PGBD5: variants seen among roughly 807,000 people sequenced by gnomAD.
The protein encoded by PGBD5 is piggyBac transposable element derived 5.
In PGBD5, 14 loss-of-function variants were observed where a neutral mutation model predicts 47.9. The ratio of observed to expected loss-of-function variants is 0.29; its 90% confidence interval spans 0.19 to 0.46. The LOEUF is 0.46. PGBD5 is among the 20% of genes least tolerant of loss of function. The pLI, the probability that PGBD5 is intolerant of heterozygous loss-of-function variation, is 1.00. For synonymous variants in PGBD5, 316 were observed against 306.3 expected (o/e 1.03, Z -0.33); for missense variants, 635 against 716.0 (o/e 0.89, Z 1.29).
intron 1 of PGBD5, among the ~76,000 whole-genome samples, chr1:230,405,219 GA>G (rs1657274014): frequency 2.0e-5 from 3 of 150,590 alleles, no homozygotes; most frequent in Admixed American, 2.0e-4. Flanking sequence ...GATATATGAA[GA>G]AAAAAATTGA....
At chr1:230,411,697 C>G (rs547440449) in intron 1 of PGBD5, among the ~76,000 whole-genome samples, 1 of 152,244 alleles carries the variant, frequency 6.6e-6, no homozygotes, top group South Asian at 2.1e-4. Context: ...TACAGAAACT[C>G]TGAACTAATA....
At chr1:230,350,840 G>C in intron 3 of PGBD5, 118 bp downstream of exon 3, 2 of 1,413,674 alleles carry the variant, frequency 1.4e-6, no homozygotes, top group Non-Finnish European at 9.5e-7. Context: ...GGTGGACTTG[G>C]ACCCACAGTG....
chr1:230,327,295 G>A (rs1435370142), intron 5 of PGBD5, among the ~76,000 whole-genome samples: 2 of 152,022 alleles, frequency 1.3e-5, no homozygotes, highest in Non-Finnish European at 2.9e-5. Context: ...AGTCAAACGG[G>A]CATGTCCTTT....
At position 230,332,729 on chromosome 1, in the gene PGBD5, T is replaced by C. The variant is rs1470623374; in HGVS notation, c.1273+115A>G. Reference sequence around the variant, plus strand: ...TGCTGGGGAATAACCGAGGGTAGTCTGACCCCAGAGCAGCACAGCCCACAG... The same window carrying C: ...TGCTGGGGAATAACCGAGGGTAGTCCGACCCCAGAGCAGCACAGCCCACAG... On this transcript the variant is annotated intron_variant, in intron 5 of 6. Coordinates refer to ENST00000391860, the MANE Select transcript of PGBD5 (RefSeq NM_001258311.2). 7 of 1,240,824 alleles carry C rather than the reference T, an allele frequency of 5.6e-6. No individual in the cohort carries two copies. In the East Asian group the frequency reaches 1.6e-4, roughly 29 times the overall value. 76.9% of individuals were successfully genotyped at this position (1,240,824 alleles called of 1,614,324 possible).
At chr1:230,406,311 C>CAAA (rs67577027) in intron 1 of PGBD5, among the ~76,000 whole-genome samples, 57 of 54,458 alleles carry the variant, frequency 1.0e-3, no homozygotes, top group Admixed American at 2.2e-3. Flanking sequence ...GACTCCGTCT[C>CAAA]AAAAAAAAAA....
At chr1:230,372,669 C>T (rs987459734) in intron 1 of PGBD5, among the ~76,000 whole-genome samples, 1 of 152,224 alleles carries the variant, frequency 6.6e-6, no homozygotes, top group Non-Finnish European at 1.5e-5. Context: ...GAGATGTTCT[C>T]TGCTAACAGA....
intron 1 of PGBD5, among the ~76,000 whole-genome samples, chr1:230,393,824 C>CAAAA (rs34929519): frequency 5.2e-5 from 4 of 77,566 alleles, no homozygotes; most frequent in African/African-American, 1.8e-4. Flanking sequence ...GACTCCGTCT[C>CAAAA]AAAAAAAAAA....
chr1:230,396,853 C>T (rs1011515157), intron 1 of PGBD5, among the ~76,000 whole-genome samples: 3 of 152,158 alleles, frequency 2.0e-5, no homozygotes, highest in African/African-American at 7.2e-5. Context: ...GTGTGCGGAG[C>T]AGACCAATGA....
intron 5 of PGBD5, among the ~76,000 whole-genome samples, chr1:230,329,547 T>C (rs1667180695): frequency 6.6e-6 from 1 of 152,206 alleles, no homozygotes; most frequent in Non-Finnish European, 1.5e-5. Context: ...AGTCTTGCTC[T>C]GTCGGCCAGG....
chr1:230,384,314 G>A (rs1368021215), intron 1 of PGBD5, among the ~76,000 whole-genome samples: 6 of 152,170 alleles, frequency 3.9e-5, no homozygotes, highest in Admixed American at 3.9e-4. Context: ...ACTGCATGGG[G>A]TGGGAAATAG....
chr1:230,360,465 G>A (rs1667725167), intron 1 of PGBD5, among the ~76,000 whole-genome samples: 1 of 152,282 alleles, frequency 6.6e-6, no homozygotes, highest in South Asian at 2.1e-4. Flanking sequence ...ATCTTGAATT[G>A]TAATCCCCAC....
intron 1 of PGBD5, among the ~76,000 whole-genome samples, chr1:230,375,144 G>C (rs1428715725): frequency 6.6e-6 from 1 of 152,230 alleles, no homozygotes; most frequent in Non-Finnish European, 1.5e-5. Context: ...ATTGAAAGCA[G>C]TACAGATCTC....
chr1:230,352,783 T>C (rs1250359470), intron 2 of PGBD5, among the ~76,000 whole-genome samples: 1 of 152,022 alleles, frequency 6.6e-6, no homozygotes, highest in African/African-American at 2.4e-5. Context: ...TCAAGTGCAA[T>C]GAACAAGTCC....
At position 230,323,142 on chromosome 1, in the gene PGBD5, CCACGGATGT is replaced by C; in HGVS notation, c.*274_*282del. The stretch of plus-strand genomic sequence containing the variant: ...ACCAGTCCACGCTGCCTCGCAAGCT[CCACGGATGT>C]CATGAGAGAATCTGCCCTTGAGAAC... On this transcript the variant is annotated 3_prime_UTR_variant, in exon 7 of 7. Transcript: ENST00000391860. This position sits in a 1 kb window ranked among gnomAD's most constrained non-coding sequence, Gnocchi z 4.1. The C allele has an allele frequency of 2.4e-6, 1 of 422,996 alleles. No individual in the cohort carries two copies. Among genetic ancestry groups the C allele is most frequent in the Non-Finnish European group, 4.3e-6 (1 of 234,516 alleles). 26.2% of individuals were successfully genotyped at this position (422,996 alleles called of 1,614,324 possible).
intron 5 of PGBD5, among the ~76,000 whole-genome samples, chr1:230,329,432 A>G (rs1667179147): frequency 6.6e-6 from 1 of 152,264 alleles, no homozygotes; most frequent in Admixed American, 6.5e-5. Context: ...ACCAGAGTAT[A>G]TATGGTCATA....
intron 1 of PGBD5, among the ~76,000 whole-genome samples, chr1:230,417,085 A>G (rs1360292193): frequency 6.6e-6 from 1 of 152,154 alleles, no homozygotes; most frequent in African/African-American, 2.4e-5. Context: ...TTCTTTTGTA[A>G]TAATTCTTCC....
intron 3 of PGBD5, among the ~76,000 whole-genome samples, chr1:230,338,039 G>A (rs537837096): frequency 4.6e-5 from 7 of 152,236 alleles, no homozygotes; most frequent in Middle Eastern, 3.2e-3. Context: ...TGTGGTGTTG[G>A]ACGACGGTAA....
At chr1:230,387,959 C>T (rs993205374) in intron 1 of PGBD5, among the ~76,000 whole-genome samples, 1 of 152,092 alleles carries the variant, frequency 6.6e-6, no homozygotes, top group Non-Finnish European at 1.5e-5. Flanking sequence ...GTATTTTGAC[C>T]CAGGCCAGTG....
chr1:230,367,674 G>T (rs1667858794), intron 1 of PGBD5, among the ~76,000 whole-genome samples: 2 of 152,120 alleles, frequency 1.3e-5, no homozygotes, highest in African/African-American at 4.8e-5. Flanking sequence ...CTCCAGCCTG[G>T]GTGACAGAGA....
Sources: allele counts gnomAD v4.1 joint callset (sites outside exome capture counted in the v4.1 genomes callset), GRCh38; gene constraint gnomAD v4.1.1; non-coding constraint Gnocchi (gnomAD v3.1); transcripts MANE v1.5; gene names NCBI Gene and HGNC (gene_info 2026-07-23, HGNC 2026-07-21).